Variants in ARB2A observed in about 807,000 individuals in gnomAD.
The protein encoded by ARB2A is ARB2 cotranscriptional regulator A, also known as cotranscriptional regulator ARB2A.
At chr5:93,957,722 G>T in the ARB2A span, among the ~76,000 whole-genome samples, 1 of 151,942 alleles carries the variant, frequency 6.6e-6, no homozygotes, top group African/African-American at 2.4e-5. Flanking sequence ...ATGTTTTTTA[G>T]GAGCTGGGCT....
chr5:93,632,015 T>G, the ARB2A span, among the ~76,000 whole-genome samples: 2 of 152,210 alleles, frequency 1.3e-5, no homozygotes, highest in East Asian at 3.8e-4. Context: ...AGAATTCCTG[T>G]GATTGACTAA....
At chr5:93,650,062 C>T in the ARB2A span, among the ~76,000 whole-genome samples, 1 of 151,874 alleles carries the variant, frequency 6.6e-6, no homozygotes, top group Admixed American at 6.6e-5. Flanking sequence ...TACTGTTCTA[C>T]CTATGTTTGT....
chr5:93,630,608 A>C, the ARB2A span, among the ~76,000 whole-genome samples: 1 of 152,120 alleles, frequency 6.6e-6, no homozygotes, highest in Non-Finnish European at 1.5e-5. Flanking sequence ...GGGGTGGTAC[A>C]AGAGGGCGTA....
chr5:93,682,503 GTT>G, the ARB2A span, among the ~76,000 whole-genome samples: 12 of 133,104 alleles, frequency 9.0e-5, no homozygotes, highest in Non-Finnish European at 1.5e-4. Flanking sequence ...TAGGCAAAAA[GTT>G]TTTTTTTTTT....
At chr5:93,706,763 G>A in the ARB2A span, among the ~76,000 whole-genome samples, 1 of 151,968 alleles carries the variant, frequency 6.6e-6, no homozygotes, top group African/African-American at 2.4e-5. Context: ...CTACTCGGGA[G>A]GCTGAGGCAG....
At chr5:93,959,805 T>C in the ARB2A span, among the ~76,000 whole-genome samples, 1 of 152,216 alleles carries the variant, frequency 6.6e-6, no homozygotes, top group Non-Finnish European at 1.5e-5. Flanking sequence ...GATTTACATT[T>C]GAAAGACACA....
chr5:94,015,769 T>A, the ARB2A span, among the ~76,000 whole-genome samples: 8 of 152,130 alleles, frequency 5.3e-5, no homozygotes, highest in African/African-American at 1.9e-4. Context: ...AACCTCATGA[T>A]AACCACAATG....
the ARB2A span, among the ~76,000 whole-genome samples, chr5:93,885,728 C>T: frequency 3.3e-5 from 5 of 151,580 alleles, no homozygotes; most frequent in African/African-American, 1.2e-4. Flanking sequence ...ATTCTACTTT[C>T]ATTTTCAGAC....
the ARB2A span, among the ~76,000 whole-genome samples, chr5:94,060,755 A>T: frequency 2.6e-5 from 4 of 152,198 alleles, no homozygotes; most frequent in Admixed American, 2.6e-4. Context: ...GGACACAAAA[A>T]TCTTCAACAA....
the ARB2A span, among the ~76,000 whole-genome samples, chr5:93,893,722 T>C: frequency 6.6e-6 from 1 of 152,202 alleles, no homozygotes; most frequent in Non-Finnish European, 1.5e-5. Context: ...CTGGTCCTAT[T>C]TTCTTTATAT....
At chr5:93,655,402 T>A in the ARB2A span, among the ~76,000 whole-genome samples, 1 of 152,208 alleles carries the variant, frequency 6.6e-6, no homozygotes, top group East Asian at 1.9e-4. Context: ...GTCCTTAGTA[T>A]CCATTTTCCT....
chr5:93,664,650 TATA>T, the ARB2A span, among the ~76,000 whole-genome samples: 2 of 148,028 alleles, frequency 1.4e-5, no homozygotes, highest in Non-Finnish European at 1.5e-5. Flanking sequence ...TATATATATA[TATA>T]ATAATAATAA....
chr5:93,686,924 CATGACA>C, the ARB2A span, among the ~76,000 whole-genome samples: 1 of 151,874 alleles, frequency 6.6e-6, no homozygotes, highest in African/African-American at 2.4e-5. Flanking sequence ...GGACTTATGG[CATGACA>C]ATAAGAGTGG....
At chr5:93,757,106 T>C in the ARB2A span, among the ~76,000 whole-genome samples, 4 of 152,108 alleles carry the variant, frequency 2.6e-5, no homozygotes, top group Non-Finnish European at 5.9e-5. Context: ...GCGATAGAAT[T>C]GAACAAGTAG....
At chr5:93,825,899 T>A in the ARB2A span, among the ~76,000 whole-genome samples, 1 of 151,616 alleles carries the variant, frequency 6.6e-6, no homozygotes, top group African/African-American at 2.4e-5. Flanking sequence ...TAAGGAAAAA[T>A]GAATAATAAA....
the ARB2A span, among the ~76,000 whole-genome samples, chr5:93,703,266 C>T: frequency 1.3e-5 from 2 of 152,210 alleles, no homozygotes; most frequent in Non-Finnish European, 2.9e-5. Flanking sequence ...TGCTGCCGTT[C>T]TCTGGCGAGT....
chr5:94,066,287 G>GA, the ARB2A span, among the ~76,000 whole-genome samples: 11 of 151,416 alleles, frequency 7.3e-5, no homozygotes, highest in Non-Finnish European at 1.3e-4. Context: ...ATGAAGAGAA[G>GA]AAAAAACCAA....
the ARB2A span, among the ~76,000 whole-genome samples, chr5:93,857,493 G>T: frequency 6.6e-6 from 1 of 152,096 alleles, no homozygotes; most frequent in African/African-American, 2.4e-5. Flanking sequence ...GCAATGGTGG[G>T]CGCCCCTCCC....
At chr5:93,985,695 G>A in the ARB2A span, among the ~76,000 whole-genome samples, 1 of 152,232 alleles carries the variant, frequency 6.6e-6, no homozygotes, top group Non-Finnish European at 1.5e-5. Context: ...GAGGTGCCGG[G>A]ATTGCAGACG....
Sources: allele counts gnomAD v4.1 joint callset (sites outside exome capture counted in the v4.1 genomes callset), GRCh38; gene constraint gnomAD v4.1.1; transcripts MANE v1.5; gene names NCBI Gene and HGNC (gene_info 2026-07-23, HGNC 2026-07-21).